CHRM5: variants seen among roughly 807,000 people sequenced by gnomAD.
CHRM5 encodes muscarinic acetylcholine receptor M5.
In CHRM5, 18 loss-of-function variants were observed where a neutral mutation model predicts 39.0. That is an observed-to-expected ratio of 0.46 (90% confidence interval 0.32 to 0.68). The LOEUF is 0.68. CHRM5 is among the 30% of genes least tolerant of loss of function. CHRM5 has a pLI of 0.04. For synonymous variants in CHRM5, 241 were observed against 246.3 expected, an observed-to-expected ratio of 0.98 and a Z score of 0.20; for missense variants, 515 against 651.1, an observed-to-expected ratio of 0.79 and a Z score of 2.28.
chr15:34,036,629 C>A (rs920347041), intron 1 of CHRM5, among the ~76,000 whole-genome samples: 2 of 152,130 alleles, frequency 1.3e-5, no homozygotes, highest in Non-Finnish European at 2.9e-5. Context: ...TTAGAGATGA[C>A]CAATCCAAAC....
intron 1 of CHRM5, among the ~76,000 whole-genome samples, chr15:33,979,471 C>T (rs1429291132): frequency 6.6e-6 from 1 of 152,162 alleles, no homozygotes; most frequent in Non-Finnish European, 1.5e-5. Flanking sequence ...GGCAACAAAG[C>T]AAGACCCTGT....
Position 34,004,339 on chromosome 15 carries a change from A to T in CHRM5, c.-408+35189A>T, listed in dbSNP as rs534658938. Among the ~76,000 whole-genome samples the T allele has an allele frequency of 2.6e-5, 4 of 152,352 alleles. No individual in the cohort carries two copies. In the South Asian group the frequency reaches 8.3e-4, roughly 32 times the overall value. On this transcript the variant is annotated intron_variant, in intron 1 of 2. Transcript: ENST00000383263. Reference sequence around the variant, plus strand: ...TGCACAATGTGAACAATTCTAGAAGATAAGGAACCCAGTTTCTTCAATAAA... The same window carrying T: ...TGCACAATGTGAACAATTCTAGAAGTTAAGGAACCCAGTTTCTTCAATAAA...
intron 2 of CHRM5, among the ~76,000 whole-genome samples, chr15:34,062,352 G>C (rs1410914380): frequency 6.6e-6 from 1 of 151,948 alleles, no homozygotes; most frequent in African/African-American, 2.4e-5. Flanking sequence ...TCAGGAGATC[G>C]AGACCATCCC....
chr15:33,974,905 G>T (rs1185575960), intron 1 of CHRM5, among the ~76,000 whole-genome samples: 2 of 152,196 alleles, frequency 1.3e-5, no homozygotes, highest in Non-Finnish European at 2.9e-5. Context: ...CCAGGAGGTG[G>T]AGCTTGCAGT....
chr15:34,034,103 G>T (rs1000512332), intron 1 of CHRM5, among the ~76,000 whole-genome samples: 5 of 151,936 alleles, frequency 3.3e-5, no homozygotes, highest in African/African-American at 9.7e-5. Flanking sequence ...TTATTAATGT[G>T]ATTTTTAAAT....
At chr15:34,048,250 C>T (rs1899795256) in intron 2 of CHRM5, among the ~76,000 whole-genome samples, 1 of 152,228 alleles carries the variant, frequency 6.6e-6, no homozygotes, top group Non-Finnish European at 1.5e-5. Context: ...GCTTCAACCA[C>T]TCCAGCCAGG....
At chr15:33,974,473 G>A (rs1895785279) in intron 1 of CHRM5, among the ~76,000 whole-genome samples, 1 of 152,080 alleles carries the variant, frequency 6.6e-6, no homozygotes, top group East Asian at 1.9e-4. Flanking sequence ...AGGGACAAAG[G>A]CTAAAAGACT....
chr15:33,977,488 C>A (rs1895936395), intron 1 of CHRM5, among the ~76,000 whole-genome samples: 1 of 152,156 alleles, frequency 6.6e-6, no homozygotes, highest in South Asian at 2.1e-4. Context: ...TGTTAGGAGG[C>A]TATGACAGCG....
chr15:33,991,861 A>T (rs1896739293), intron 1 of CHRM5: 1 of 152,954 alleles, frequency 6.5e-6, no homozygotes, highest in Admixed American at 6.5e-5. Flanking sequence ...AATGAGAATC[A>T]AAAGGTCATA....
At position 33,995,142 on chromosome 15, in the gene CHRM5, T is replaced by C. The variant is rs142503231; in HGVS notation, c.-408+25992T>C. On this transcript the variant is annotated intron_variant, in intron 1 of 2. Transcript: ENST00000383263. ...GCCAGGTGTGGGTGGCACACCTCTA[T>C]AGTCCCACCTACTCAGGAGGCTGGG... Among the ~76,000 whole-genome samples the C allele has an allele frequency of 8.4e-4, 128 of 152,170 alleles. 1 individual carries two copies. The highest frequency in any genetic ancestry group is 2.9e-3 in the African/African-American group (120 of 41,516).
At chr15:33,995,240 G>C (rs532023512) in intron 1 of CHRM5, among the ~76,000 whole-genome samples, 28 of 151,988 alleles carry the variant, frequency 1.8e-4, no homozygotes, top group African/African-American at 6.3e-4. Context: ...CTCCAGCCTG[G>C]GTGACAGAGG....
chr15:34,026,152 A>G (rs1898459928), intron 1 of CHRM5, among the ~76,000 whole-genome samples: 1 of 152,204 alleles, frequency 6.6e-6, no homozygotes, highest in Non-Finnish European at 1.5e-5. Flanking sequence ...TTTTAAATGC[A>G]TACATATACC....
Position 34,002,971 on chromosome 15 carries a change from T to C in CHRM5, c.-408+33821T>C. On this transcript the variant is annotated intron_variant, in intron 1 of 2. Transcript: ENST00000383263. ...TATAAAAGTAGAATTTAAAAACATA[T>C]ATAAAATGTCTGTGCAACTTTCAGA... is the stretch of plus-strand genomic sequence containing the variant. 5 of 1,384,996 alleles carry C rather than the reference T, an allele frequency of 3.6e-6. No individual in the cohort carries two copies. In the South Asian group the frequency reaches 4.3e-5, roughly 12 times the overall value. 85.8% of individuals were successfully genotyped at this position (1,384,996 alleles called of 1,614,324 possible).
intron 1 of CHRM5, among the ~76,000 whole-genome samples, chr15:34,025,760 G>GTGTGTGTGTGTGTT (rs1555517768): frequency 5.3e-5 from 8 of 151,644 alleles, no homozygotes; most frequent in Non-Finnish European, 1.0e-4. Flanking sequence ...GGTTTTGCGT[G>GTGTGTGTGTGTGTT]TGTGTGTGTG....
chr15:34,000,932 CA>C (rs1247064239), intron 1 of CHRM5, among the ~76,000 whole-genome samples: 1 of 152,044 alleles, frequency 6.6e-6, no homozygotes, highest in Non-Finnish European at 1.5e-5. Flanking sequence ...AGACTCAATC[CA>C]TGCCAGGTTT....
chr15:34,045,150 T>G (rs1899639121), intron 1 of CHRM5, among the ~76,000 whole-genome samples: 1 of 152,230 alleles, frequency 6.6e-6, no homozygotes, highest in Non-Finnish European at 1.5e-5. Flanking sequence ...TATTCTTACA[T>G]TCTCTTTTTC....
chr15:33,968,542 A>G lies in CHRM5; in HGVS notation c.-1016A>G, dbSNP rs765811876. Among the ~76,000 whole-genome samples the G allele has an allele frequency of 5.3e-5, 8 of 152,130 alleles. No homozygotes were observed. The highest frequency in any genetic ancestry group is 1.0e-4 in the Non-Finnish European group (7 of 67,974). On this transcript the variant is annotated 5_prime_UTR_variant, in exon 1 of 3. Coordinates refer to ENST00000383263, the MANE Select transcript of CHRM5 (RefSeq NM_012125.4). ...CCGTCCAGAGACATGATAAAGCCGT[A>G]CTTCCTTCTGGATTTTTACCTCACT... is the stretch of plus-strand genomic sequence containing the variant.
At position 33,968,798 on chromosome 15, in the gene CHRM5, G is replaced by A. The variant is rs1008292153; in HGVS notation, c.-760G>A. On this transcript the variant is annotated 5_prime_UTR_variant, in exon 1 of 3. Transcript: ENST00000383263. ...ACGAACAAGCAGAACTTTTCCAGGG[G>A]GTCAAATGCATATAGGAACAACCAG... 2 of 151,958 alleles carry A rather than the reference G, an allele frequency of 1.3e-5. No homozygotes were observed. The highest frequency in any genetic ancestry group is 4.8e-5 in the African/African-American group (2 of 41,370). The allele number at this position is 151,958 out of a possible 1,614,324, so 9.4% of individuals were successfully genotyped here.
At chr15:33,971,924 G>A (rs1370192997) in intron 1 of CHRM5, 1 of 152,098 alleles carries the variant, frequency 6.6e-6, no homozygotes. Context: ...ATCACAATCT[G>A]TGACTGGGAA....
Sources: gnomAD v4.1 joint callset for allele counts (sites outside exome capture counted in the v4.1 genomes callset) on GRCh38, gnomAD v4.1.1 for gene constraint, MANE v1.5 for transcripts, NCBI Gene and HGNC (gene_info 2026-07-23, HGNC 2026-07-21) for gene names.